The following SCFD2 variants were observed in gnomAD, a reference collection of about 807,000 sequenced individuals.
SCFD2 encodes sec1 family domain containing 2, also known as sec1 family domain-containing protein 2.
In SCFD2, 54 loss-of-function variants were observed where a neutral mutation model predicts 58.9. That is an observed-to-expected ratio of 0.92 (90% confidence interval 0.74 to 1.15). The LOEUF (loss-of-function observed/expected upper bound fraction) is 1.15, where lower values mean the gene tolerates loss of function less well. Among genes scored for constraint, SCFD2 ranks in the 50% most tolerant of loss-of-function variants. The probability of loss-of-function intolerance (pLI) is 0.00; values close to 1 mark genes in which losing one functional copy is unlikely to be tolerated. For synonymous variants in SCFD2, 321 were observed against 335.9 expected (o/e 0.96, Z 0.49); for missense variants, 805 against 836.6 (o/e 0.96, Z 0.47).
At chr4:52,876,019 T>C (rs79489138) in intron 8 of SCFD2, among the ~76,000 whole-genome samples, 1 of 151,622 alleles carries the variant, frequency 6.6e-6, no homozygotes, top group Non-Finnish European at 1.5e-5. Flanking sequence ...TGAATGTGTG[T>C]CTCCCGAGAG....
chr4:53,137,478 A>T (rs1725977512), intron 5 of SCFD2, among the ~76,000 whole-genome samples: 1 of 152,232 alleles, frequency 6.6e-6, no homozygotes, highest in South Asian at 2.1e-4. Flanking sequence ...TAAATTTTTC[A>T]TTGTATACAA....
chr4:53,295,168 T>G (rs1731982757), intron 3 of SCFD2, among the ~76,000 whole-genome samples: 1 of 152,212 alleles, frequency 6.6e-6, no homozygotes, highest in Non-Finnish European at 1.5e-5. Context: ...TTTTTTCCAA[T>G]TCTGTGAAGA....
Position 52,880,873 on chromosome 4 carries a change from T to G in SCFD2, c.1962+4874A>C, listed in dbSNP as rs1718593850. 4.6e-5 allele frequency among the ~76,000 whole-genome samples: 7 copies of G among 152,294 alleles called. No individual in the cohort carries two copies. In the South Asian group the frequency reaches 1.4e-3, roughly 32 times the overall value. On this transcript the variant is annotated intron_variant, in intron 8 of 8. Coordinates refer to ENST00000401642, the MANE Select transcript of SCFD2 (RefSeq NM_152540.4). The stretch of plus-strand genomic sequence containing the variant: ...TCTCGGCTACCATCCAGCTGCAAAG[T>G]TCAGCCAGGCAGAGCTGTCTGGCCA...
At chr4:52,986,644 G>A (rs1721501887) in intron 5 of SCFD2, among the ~76,000 whole-genome samples, 1 of 151,560 alleles carries the variant, frequency 6.6e-6, no homozygotes, top group Admixed American at 6.6e-5. Context: ...GACTACAGGC[G>A]CCCACCACCA....
At chr4:53,268,547 T>G (rs1194554722) in intron 4 of SCFD2, among the ~76,000 whole-genome samples, 1 of 151,748 alleles carries the variant, frequency 6.6e-6, no homozygotes, top group Non-Finnish European at 1.5e-5. Flanking sequence ...AAGAAGGCAG[T>G]AGAAATGGTA....
At chr4:53,213,085 A>T (rs1392524255) in intron 4 of SCFD2, among the ~76,000 whole-genome samples, 1 of 152,116 alleles carries the variant, frequency 6.6e-6, no homozygotes, top group Admixed American at 6.5e-5. Context: ...TGGTACACAC[A>T]AACAATTTCT....
intron 2 of SCFD2, among the ~76,000 whole-genome samples, chr4:53,348,239 A>G (rs1734112710): frequency 6.6e-6 from 1 of 152,250 alleles, no homozygotes; most frequent in Non-Finnish European, 1.5e-5. Context: ...ACAGCCTTTT[A>G]TAAAAATTAT....
At chr4:53,230,907 T>G (rs772218992) in intron 4 of SCFD2, among the ~76,000 whole-genome samples, 2 of 152,124 alleles carry the variant, frequency 1.3e-5, no homozygotes, top group Non-Finnish European at 2.9e-5. Context: ...GAACTATACA[T>G]ACATCAAACC....
chr4:53,274,810 T>G (rs1167116829), intron 3 of SCFD2, among the ~76,000 whole-genome samples: 1 of 152,142 alleles, frequency 6.6e-6, no homozygotes, highest in Non-Finnish European at 1.5e-5. Flanking sequence ...CATTCCTCCA[T>G]GCTATGCGCA....
At chr4:53,114,458 G>A (rs1305684921) in intron 5 of SCFD2, among the ~76,000 whole-genome samples, 1 of 152,076 alleles carries the variant, frequency 6.6e-6, no homozygotes, top group Non-Finnish European at 1.5e-5. Flanking sequence ...TAAACTGGTG[G>A]TAAGTATATC....
chr4:53,100,066 G>A (rs1022800599), intron 5 of SCFD2, among the ~76,000 whole-genome samples: 9 of 152,124 alleles, frequency 5.9e-5, no homozygotes, highest in African/African-American at 2.2e-4. Context: ...ATGGACATCA[G>A]GAAACTGATG....
chr4:53,314,060 C>A (rs893080212), intron 2 of SCFD2, among the ~76,000 whole-genome samples: 1 of 152,074 alleles, frequency 6.6e-6, no homozygotes, highest in Non-Finnish European at 1.5e-5. Flanking sequence ...GCACTTAAAT[C>A]TTTCAGAATT....
chr4:53,343,566 T>C (rs181628376), intron 2 of SCFD2, among the ~76,000 whole-genome samples: 23 of 152,128 alleles, frequency 1.5e-4, no homozygotes, highest in African/African-American at 4.3e-4. Flanking sequence ...CTATTCCAAC[T>C]GATAGAAAAA....
intron 4 of SCFD2, among the ~76,000 whole-genome samples, chr4:53,177,735 G>A (rs1382349796): frequency 6.6e-6 from 1 of 152,192 alleles, no homozygotes; most frequent in Non-Finnish European, 1.5e-5. Flanking sequence ...AAAGGGGTCA[G>A]GGAATTCCCT....
intron 5 of SCFD2, among the ~76,000 whole-genome samples, chr4:53,031,388 C>T (rs1353287506): frequency 1.3e-5 from 2 of 152,212 alleles, no homozygotes; most frequent in Admixed American, 6.5e-5. Context: ...AGGATCACAA[C>T]TCCTTGCCAG....
At chr4:52,979,471 G>A (rs560698295) in intron 5 of SCFD2, among the ~76,000 whole-genome samples, 3 of 152,008 alleles carry the variant, frequency 2.0e-5, no homozygotes, top group East Asian at 1.9e-4. Context: ...TTTATGTACC[G>A]TATTTCACTG....
At chr4:52,986,774 C>T (rs1314552388) in intron 5 of SCFD2, among the ~76,000 whole-genome samples, 1 of 152,010 alleles carries the variant, frequency 6.6e-6, no homozygotes, top group Non-Finnish European at 1.5e-5. Context: ...GCTGGGATTA[C>T]AGGTGTGAGC....
chr4:53,152,684 T>G (rs1726546896), intron 4 of SCFD2, among the ~76,000 whole-genome samples: 1 of 152,154 alleles, frequency 6.6e-6, no homozygotes, highest in East Asian at 1.9e-4. Context: ...CATTCCAGAA[T>G]CAGCTCAAAA....
intron 4 of SCFD2, among the ~76,000 whole-genome samples, chr4:53,208,125 TTTTTC>T (rs904914212): frequency 3.3e-5 from 5 of 151,658 alleles, no homozygotes; most frequent in Admixed American, 3.3e-4. Flanking sequence ...CCCAGCAATT[TTTTTC>T]TTTTCTTTTT....
Sources: allele counts gnomAD v4.1 joint callset (sites outside exome capture counted in the v4.1 genomes callset), GRCh38; gene constraint gnomAD v4.1.1; transcripts MANE v1.5; gene names NCBI Gene and HGNC (gene_info 2026-07-23, HGNC 2026-07-21).